Variants in LRRC37A2 observed in about 807,000 individuals in gnomAD.
The protein encoded by LRRC37A2 is leucine-rich repeat-containing protein 37A2.
Under a neutral mutation model 68.8 loss-of-function variants are expected in LRRC37A2, and 9 were observed. That is an observed-to-expected ratio of 0.13 (90% CI 0.08 to 0.23). The LOEUF (loss-of-function observed/expected upper bound fraction) is 0.23, where lower values mean the gene tolerates loss of function less well. Among genes scored for constraint, LRRC37A2 ranks in the 10% least tolerant of loss-of-function variants. The probability of loss-of-function intolerance (pLI) is 1.00; values close to 1 mark genes in which losing one functional copy is unlikely to be tolerated. For missense variants in LRRC37A2, 168 were observed against 950.4 expected, an observed-to-expected ratio of 0.18 and a Z score of 10.82; for synonymous variants, 63 against 367.6, an observed-to-expected ratio of 0.17 and a Z score of 9.48.
chr17:46,713,727 T>C, the LRRC37A2 span: 1 of 761,622 alleles, frequency 1.3e-6, no homozygotes. Context: ...TGTGAAATTG[T>C]GTCAGGAAAT....
the LRRC37A2 span, among the ~76,000 whole-genome samples, chr17:46,797,940 T>A: frequency 6.6e-6 from 1 of 152,186 alleles, no homozygotes. Flanking sequence ...TTTTTGTTTG[T>A]TGGTTTTTTG....
At chr17:46,741,414 C>G in the LRRC37A2 span, among the ~76,000 whole-genome samples, 3 of 152,146 alleles carry the variant, frequency 2.0e-5, no homozygotes, top group African/African-American at 7.2e-5. Context: ...GAATTCCCCC[C>G]CTTATTGTCT....
At chr17:46,773,963 C>G in the LRRC37A2 span, 6 of 1,589,552 alleles carry the variant, frequency 3.8e-6, no homozygotes, top group Non-Finnish European at 5.1e-6. Context: ...AGAGCCCATC[C>G]TGGGCACCAT....
chr17:46,908,230 G>T, the LRRC37A2 span, among the ~76,000 whole-genome samples: 1 of 147,390 alleles, frequency 6.8e-6, no homozygotes, highest in African/African-American at 2.5e-5. Context: ...GTGCAAGGAA[G>T]CCTGTCAGTG....
At chr17:46,751,479 G>T in the LRRC37A2 span, 11,589 of 1,566,500 alleles carry the variant, frequency 7.4e-3, 661 homozygotes, top group African/African-American at 0.13. Context: ...AAAGTGCTTT[G>T]ATTATTGTTT....
chr17:46,815,712 G>A, the LRRC37A2 span, among the ~76,000 whole-genome samples: 1 of 152,166 alleles, frequency 6.6e-6, no homozygotes, highest in African/African-American at 2.4e-5. Flanking sequence ...CTAGTGCCTG[G>A]ACAGACAGGA....
At chr17:46,907,490 G>A in the LRRC37A2 span, among the ~76,000 whole-genome samples, 1 of 151,574 alleles carries the variant, frequency 6.6e-6, no homozygotes, top group Non-Finnish European at 1.5e-5. Context: ...TTTCTCTCCA[G>A]CCCCAGCTCT....
At chr17:46,751,546 A>C in the LRRC37A2 span, 3 of 1,614,128 alleles carry the variant, frequency 1.9e-6, no homozygotes, top group Non-Finnish European at 2.5e-6. Context: ...ACAATTGCAC[A>C]GCAAGTCAAA....
the LRRC37A2 span, chr17:46,770,040 C>T: frequency 6.4e-7 from 1 of 1,551,778 alleles, no homozygotes; most frequent in Non-Finnish European, 8.7e-7. Flanking sequence ...AAGGCCGACT[C>T]GCGGGTGGCT....
the LRRC37A2 span, among the ~76,000 whole-genome samples, chr17:46,811,277 T>G: frequency 4.1e-3 from 409 of 100,938 alleles, 15 homozygotes; most frequent in East Asian, 0.066. Flanking sequence ...GTTGCATGGG[T>G]CAGTGTTAAT....
the LRRC37A2 span, chr17:46,769,953 C>T: frequency 1.9e-6 from 3 of 1,612,990 alleles, no homozygotes; most frequent in South Asian, 1.1e-5. Flanking sequence ...GAGTCACAGC[C>T]GCAAATGGTG....
the LRRC37A2 span, among the ~76,000 whole-genome samples, chr17:47,012,198 C>G: frequency 6.6e-6 from 1 of 152,130 alleles, no homozygotes; most frequent in African/African-American, 2.4e-5. Context: ...CAGCTCCACA[C>G]TATGTATCTT....
At chr17:46,900,220 C>CACACACAT in the LRRC37A2 span, among the ~76,000 whole-genome samples, 9 of 122,168 alleles carry the variant, frequency 7.4e-5, no homozygotes, top group Admixed American at 4.0e-4. Context: ...CACACACACA[C>CACACACAT]ATATATATAT....
At chr17:46,492,449 G>C in the LRRC37A2 span, among the ~76,000 whole-genome samples, 21 of 150,748 alleles carry the variant, frequency 1.4e-4, 2 homozygotes, top group African/African-American at 5.2e-4. Context: ...TTTCTAGTTT[G>C]TGGCAGCTAT....
the LRRC37A2 span, chr17:47,018,747 C>A: frequency 5.3e-6 from 8 of 1,521,000 alleles, no homozygotes; most frequent in Non-Finnish European, 7.3e-6. Flanking sequence ...TCAGGAGGCC[C>A]CAGCTCAGAC....
chr17:46,959,886 G>A, the LRRC37A2 span, among the ~76,000 whole-genome samples: 2 of 152,190 alleles, frequency 1.3e-5, no homozygotes, highest in African/African-American at 4.8e-5. Flanking sequence ...CAGGAAGACC[G>A]ATTCATGAGA....
At chr17:47,016,050 T>G in the LRRC37A2 span, among the ~76,000 whole-genome samples, 1 of 152,196 alleles carries the variant, frequency 6.6e-6, no homozygotes, top group Non-Finnish European at 1.5e-5. Context: ...GTTCAAGCGA[T>G]TCTCCTGCTT....
chr17:46,893,117 A>G, the LRRC37A2 span, among the ~76,000 whole-genome samples: 1 of 152,070 alleles, frequency 6.6e-6, no homozygotes, highest in Non-Finnish European at 1.5e-5. Flanking sequence ...TATTGTTAGT[A>G]GAGTTGGGTT....
the LRRC37A2 span, among the ~76,000 whole-genome samples, chr17:46,759,615 A>C: frequency 6.6e-6 from 1 of 152,232 alleles, no homozygotes; most frequent in African/African-American, 2.4e-5. Context: ...ACTTCACTCG[A>C]GTGTGCAGAC....
Sources: gnomAD v4.1 joint callset for allele counts (sites outside exome capture counted in the v4.1 genomes callset) on GRCh38, gnomAD v4.1.1 for gene constraint, MANE v1.5 for transcripts, NCBI Gene and HGNC (gene_info 2026-07-23, HGNC 2026-07-21) for gene names.